The following TOMM7 variants were observed in gnomAD, a reference collection of about 807,000 sequenced individuals.
The protein encoded by TOMM7 is mitochondrial import receptor subunit TOM7 homolog.
Under a neutral mutation model 9.5 loss-of-function variants are expected in TOMM7, and 8 were observed. The ratio of observed to expected loss-of-function variants is 0.84; its 90% confidence interval spans 0.49 to 1.51. The LOEUF (loss-of-function observed/expected upper bound fraction) is 1.51, where lower values mean the gene tolerates loss of function less well. Among genes scored for constraint, TOMM7 ranks in the 40% most tolerant of loss-of-function variants. The pLI, the probability that TOMM7 is intolerant of heterozygous loss-of-function variation, is 0.00. For missense variants in TOMM7, 74 were observed against 63.7 expected (o/e 1.16, Z -0.55); for synonymous variants, 27 against 21.4 (o/e 1.26, Z -0.72).
chr7:22,813,405 A>G (rs974956801), intron 2 of TOMM7, among the ~76,000 whole-genome samples: 1 of 152,242 alleles, frequency 6.6e-6, no homozygotes, highest in African/African-American at 2.4e-5. Context: ...TATCATAAAC[A>G]AAAACAAAAA....
chr7:22,818,327 G>A (rs916113190), intron 1 of TOMM7: 3 of 285,448 alleles, frequency 1.1e-5, no homozygotes, highest in Admixed American at 4.8e-5. Context: ...GGAGTGCTGT[G>A]GTATGATCTC....
Position 22,822,698 on chromosome 7 carries a change from T to G in TOMM7, c.82A>C (p.Ile28Leu), listed in dbSNP as rs771572545. The G allele has an allele frequency of 2.9e-5, 47 of 1,614,000 alleles. No individual in the cohort carries two copies. Among genetic ancestry groups the G allele is most frequent in the Non-Finnish European group, 3.8e-5 (45 of 1,179,968 alleles). ...TGACCCAGGTAAATCACAAGAGGGA[T>G]AAAGCCCCAGCGAATGGCAAACTGG... ...GSQFAIRWGF[I>L]PLVIYLGFKR... The change falls in exon 1 of 3, where the codon ATC (isoleucine) becomes CTC (leucine). Residue 28 changes from isoleucine to leucine, a missense_variant. Ile to Leu is a conservative substitution (Grantham distance 5). Coordinates refer to ENST00000358435, the MANE Select transcript of TOMM7 (RefSeq NM_019059.5).
chr7:22,817,951 A>C, intron 2 of TOMM7, 49 bp downstream of exon 2: 1 of 1,529,266 alleles, frequency 6.5e-7, no homozygotes, highest in Non-Finnish European at 9.1e-7. Context: ...GTGATTCAGT[A>C]CTACTGTATG....
intron 2 of TOMM7, among the ~76,000 whole-genome samples, chr7:22,814,285 G>A (rs1166037402): frequency 6.6e-6 from 1 of 151,344 alleles, no homozygotes; most frequent in South Asian, 2.1e-4. Context: ...GGGAGGCGGA[G>A]GTTGCAGTGA....
chr7:22,820,848 T>C (rs1223776605), intron 1 of TOMM7, among the ~76,000 whole-genome samples: 1 of 152,220 alleles, frequency 6.6e-6, no homozygotes, highest in Admixed American at 6.5e-5. Flanking sequence ...GAAAAACGTC[T>C]TTTTAAGTTC....
intron 2 of TOMM7, among the ~76,000 whole-genome samples, chr7:22,815,297 C>T (rs980727094): frequency 6.6e-6 from 1 of 152,184 alleles, no homozygotes; most frequent in African/African-American, 2.4e-5. Flanking sequence ...TGCCCCACTT[C>T]TGTATCCTAA....
At chr7:22,814,696 G>C (rs1782294801) in intron 2 of TOMM7, among the ~76,000 whole-genome samples, 1 of 152,120 alleles carries the variant, frequency 6.6e-6, no homozygotes, top group Admixed American at 6.5e-5. Context: ...TTTGAATAAG[G>C]CATTCATGTC....
chr7:22,813,210 AG>A, intron 2 of TOMM7, 25 bp from the exon 3 acceptor site: 5 of 1,605,686 alleles, frequency 3.1e-6, no homozygotes, highest in Non-Finnish European at 4.3e-6. Context: ...AAGAGAAGAA[AG>A]AAATTAAATT....
chr7:22,814,558 G>C (rs1230477107), intron 2 of TOMM7, among the ~76,000 whole-genome samples: 1 of 152,046 alleles, frequency 6.6e-6, no homozygotes, highest in Non-Finnish European at 1.5e-5. Context: ...GTAATGGGCA[G>C]CAAAAATATA....
intron 1 of TOMM7, chr7:22,818,325 G>A: frequency 3.4e-6 from 1 of 297,862 alleles, no homozygotes; most frequent in Non-Finnish European, 6.5e-6. Context: ...CTGGAGTGCT[G>A]TGGTATGATC....
intron 1 of TOMM7, among the ~76,000 whole-genome samples, chr7:22,821,941 A>T (rs1279528836): frequency 6.6e-6 from 1 of 152,044 alleles, no homozygotes. Context: ...GGAAGGTTGC[A>T]ATGAGCCGGG....
intron 2 of TOMM7, among the ~76,000 whole-genome samples, chr7:22,815,398 A>G (rs2128182045): frequency 6.6e-6 from 1 of 152,244 alleles, no homozygotes; most frequent in Admixed American, 6.5e-5. Flanking sequence ...ATTCCTGTCC[A>G]AAGGACCACC....
chr7:22,818,853 T>G (rs1170810337), intron 1 of TOMM7, among the ~76,000 whole-genome samples: 1 of 145,162 alleles, frequency 6.9e-6, no homozygotes, highest in Non-Finnish European at 1.6e-5. Context: ...GCTCAAGTGA[T>G]CAGCCTCCTC....
intron 2 of TOMM7, among the ~76,000 whole-genome samples, chr7:22,814,349 CAAAAAA>C (rs58506942): frequency 1.1e-5 from 1 of 91,022 alleles, no homozygotes; most frequent in Non-Finnish European, 2.1e-5. Context: ...GACTCCGACT[CAAAAAA>C]AAAAAAAAAA....
intron 1 of TOMM7, among the ~76,000 whole-genome samples, chr7:22,820,237 T>G (rs1303579454): frequency 1.3e-5 from 2 of 152,172 alleles, no homozygotes; most frequent in Admixed American, 6.5e-5. Flanking sequence ...AAGACAATGA[T>G]AGACAAGTAC....
intron 2 of TOMM7, chr7:22,817,758 A>C (rs1436958335): frequency 2.4e-6 from 1 of 421,192 alleles, no homozygotes; most frequent in Non-Finnish European, 4.3e-6. Flanking sequence ...TTCGTATTTT[A>C]AAGTGGTAGG....
intron 1 of TOMM7, among the ~76,000 whole-genome samples, chr7:22,819,757 A>C (rs1316953131): frequency 6.6e-6 from 1 of 152,196 alleles, no homozygotes; most frequent in Admixed American, 6.5e-5. Flanking sequence ...GCTCTTCTAC[A>C]AACATCCTCA....
At chr7:22,815,347 A>G (rs966528629) in intron 2 of TOMM7, among the ~76,000 whole-genome samples, 1 of 152,120 alleles carries the variant, frequency 6.6e-6, no homozygotes, top group Non-Finnish European at 1.5e-5. Context: ...CCTAGCATGC[A>G]GGTCCAGCCT....
intron 1 of TOMM7, chr7:22,822,253 G>A (rs764312007): frequency 5.9e-5 from 92 of 1,550,532 alleles, no homozygotes. Context: ...ATGCTTTCAT[G>A]GCAGTGGTAC....
Sources: allele counts gnomAD v4.1 joint callset (sites outside exome capture counted in the v4.1 genomes callset), GRCh38; gene constraint gnomAD v4.1.1; transcripts MANE v1.5; gene names NCBI Gene and HGNC (gene_info 2026-07-23, HGNC 2026-07-21).